Variants in SDK1 observed in about 807,000 individuals in gnomAD.
SDK1 encodes the protein sidekick cell adhesion molecule 1, also known as protein sidekick-1.
Under a neutral mutation model 245.5 loss-of-function variants are expected in SDK1, and 157 were observed. The observed-to-expected ratio is 0.64, with a 90% CI of 0.56 to 0.73. The LOEUF (loss-of-function observed/expected upper bound fraction) is 0.73, where lower values mean the gene tolerates loss of function less well. Among genes scored for constraint, SDK1 ranks in the 30% least tolerant of loss-of-function variants. The pLI is 0.00. For missense variants in SDK1, 3,583 were observed against 3,002.3 expected, an observed-to-expected ratio of 1.19 and a Z score of -4.52; for synonymous variants, 1,647 against 1,278.5, an observed-to-expected ratio of 1.29 and a Z score of -6.15.
intron 1 of SDK1, among the ~76,000 whole-genome samples, chr7:3,605,230 C>G (rs1056105020): frequency 1.3e-5 from 2 of 151,658 alleles, no homozygotes; most frequent in Non-Finnish European, 2.9e-5. Context: ...TTTGAAAGAA[C>G]AGTTAAATAA....
At chr7:4,084,849 G>A (rs1017367887) in intron 22 of SDK1, among the ~76,000 whole-genome samples, 2 of 151,826 alleles carry the variant, frequency 1.3e-5, no homozygotes, top group African/African-American at 2.4e-5. Flanking sequence ...TGCAACCTCC[G>A]CCTCCTGGGT....
At chr7:3,767,009 G>A (rs975251430) in intron 4 of SDK1, among the ~76,000 whole-genome samples, 3 of 152,210 alleles carry the variant, frequency 2.0e-5, no homozygotes, top group Non-Finnish European at 2.9e-5. Flanking sequence ...GAGCATATTA[G>A]TAATCTTAGT....
Position 4,265,705 on chromosome 7 carries a change from G to A in SDK1, c.*321G>A, listed in dbSNP as rs940933108. 6.2e-6 allele frequency: 7 copies of A among 1,123,630 alleles called. No individual in the cohort carries two copies. The highest frequency in any genetic ancestry group is 5.0e-5 in the Admixed American group (1 of 20,124). The allele number at this position is 1,123,630 out of a possible 1,614,324, so 69.6% of individuals were successfully genotyped here. On this transcript the variant is annotated 3_prime_UTR_variant, in exon 45 of 45. Coordinates refer to ENST00000404826, the MANE Select transcript of SDK1 (RefSeq NM_152744.4). ...GACCTCCCCAGCCCTGGGTTTCTCCGTCTTCAAGACCAACTAGGAAGGGTC... is the reference window on the plus strand; with the variant it reads ...GACCTCCCCAGCCCTGGGTTTCTCCATCTTCAAGACCAACTAGGAAGGGTC...
intron 4 of SDK1, among the ~76,000 whole-genome samples, chr7:3,752,712 T>C (rs945865699): frequency 6.6e-6 from 1 of 152,212 alleles, no homozygotes; most frequent in African/African-American, 2.4e-5. Context: ...TCCATTTCTT[T>C]CTTTGCATTT....
intron 35 of SDK1, among the ~76,000 whole-genome samples, chr7:4,198,329 A>G (rs149058004): frequency 1.2e-4 from 19 of 152,292 alleles, no homozygotes; most frequent in African/African-American, 4.6e-4. Context: ...GGGTTAAAGG[A>G]TGGGGACAAA....
intron 4 of SDK1, among the ~76,000 whole-genome samples, chr7:3,809,441 G>A (rs76686357): frequency 7.9e-5 from 12 of 152,158 alleles, no homozygotes; most frequent in African/African-American, 2.9e-4. Context: ...CTGTGCTCGA[G>A]GTGCTGTGAG....
Position 3,346,743 on chromosome 7 carries a change from A to G in SDK1, c.298+44859A>G, listed in dbSNP as rs535827102. Among the ~76,000 whole-genome samples, 17 of 125,508 alleles carry G rather than the reference A, an allele frequency of 1.4e-4. No homozygotes were observed. In the East Asian group the frequency reaches 1.6e-3, roughly 12 times the overall value. 82.3% of individuals were successfully genotyped at this position (125,508 alleles called of 152,430 possible). ...TATGTATACATATATATATACACGT[A>G]TATATATGTGTGTGTGTATATATGT... On this transcript the variant is annotated intron_variant, in intron 1 of 44. Coordinates refer to ENST00000404826, the MANE Select transcript of SDK1 (RefSeq NM_152744.4).
intron 44 of SDK1, among the ~76,000 whole-genome samples, chr7:4,250,184 G>A (rs1010714812): frequency 2.0e-4 from 30 of 152,146 alleles, no homozygotes; most frequent in African/African-American, 6.8e-4. Context: ...CCCTTAGCAT[G>A]ATGATTGCAA....
intron 1 of SDK1, among the ~76,000 whole-genome samples, chr7:3,458,247 CAGAA>C (rs1780728835): frequency 6.6e-6 from 1 of 152,066 alleles, no homozygotes; most frequent in African/African-American, 2.4e-5. Flanking sequence ...ATTATTTTCC[CAGAA>C]AGAAGTAATA....
chr7:3,812,848 G>C lies in SDK1; in HGVS notation c.714-8602G>C, dbSNP rs113370719. Reference sequence around the variant, plus strand: ...CCATTTGCCCAGGACTTCTTGGTCTGTGCTAGGGATTCATGCATTCCATTA... The same window carrying C: ...CCATTTGCCCAGGACTTCTTGGTCTCTGCTAGGGATTCATGCATTCCATTA... On this transcript the variant is annotated intron_variant, in intron 4 of 44. Coordinates refer to ENST00000404826, the MANE Select transcript of SDK1 (RefSeq NM_152744.4). Among the ~76,000 whole-genome samples, 13 of 152,312 alleles carry C rather than the reference G, an allele frequency of 8.5e-5. 1 individual carries two copies. The highest frequency in any genetic ancestry group is 4.1e-4 in the South Asian group (2 of 4,824).
intron 1 of SDK1, among the ~76,000 whole-genome samples, chr7:3,355,652 C>T (rs779979085): frequency 6.6e-6 from 1 of 152,154 alleles, no homozygotes; most frequent in Non-Finnish European, 1.5e-5. Flanking sequence ...TGGGAATACC[C>T]TCAGCTTTCC....
At chr7:3,752,001 C>A (rs1024079757) in intron 4 of SDK1, among the ~76,000 whole-genome samples, 3 of 152,218 alleles carry the variant, frequency 2.0e-5, no homozygotes, top group East Asian at 3.8e-4. Context: ...AGGAAACAAG[C>A]TTTCAGCCAA....
At chr7:3,465,095 TA>T (rs1780952403) in intron 1 of SDK1, among the ~76,000 whole-genome samples, 1 of 152,168 alleles carries the variant, frequency 6.6e-6, no homozygotes, top group African/African-American at 2.4e-5. Context: ...GGCTAATCCG[TA>T]AGTGAGATTA....
intron 2 of SDK1, among the ~76,000 whole-genome samples, chr7:3,630,993 T>C (rs1165983131): frequency 6.6e-6 from 1 of 152,124 alleles, no homozygotes; most frequent in Non-Finnish European, 1.5e-5. Context: ...TGGAGTGCAG[T>C]GGTGCAATGG....
chr7:4,052,522 G>A (rs1055449026), intron 19 of SDK1, among the ~76,000 whole-genome samples: 5 of 152,070 alleles, frequency 3.3e-5, no homozygotes, highest in East Asian at 1.9e-4. Context: ...TTGAAAAAAC[G>A]AAACTCTGAA....
intron 1 of SDK1, among the ~76,000 whole-genome samples, chr7:3,449,563 G>A (rs1269872372): frequency 2.0e-5 from 3 of 152,142 alleles, no homozygotes; most frequent in African/African-American, 7.2e-5. Flanking sequence ...GGCTTTTGGA[G>A]TACAAAGAAT....
intron 1 of SDK1, among the ~76,000 whole-genome samples, chr7:3,527,082 A>G (rs1284829776): frequency 6.6e-6 from 1 of 152,136 alleles, no homozygotes; most frequent in Non-Finnish European, 1.5e-5. Context: ...CAGCCCTGCT[A>G]TTTTGGCATT....
chr7:3,395,000 T>A lies in SDK1; in HGVS notation c.298+93116T>A, dbSNP rs564098692. Among the ~76,000 whole-genome samples the A allele has an allele frequency of 2.6e-5, 4 of 152,162 alleles. No individual in the cohort carries two copies. In the South Asian group the frequency reaches 8.3e-4, roughly 32 times the overall value. On this transcript the variant is annotated intron_variant, in intron 1 of 44. Transcript: ENST00000404826. ...ACAAACCGAATGTCTTTTATTTGTT[T>A]TTCTTGGGTGGTTAGAGCTTCCAGT... is the stretch of plus-strand genomic sequence containing the variant.
At position 3,642,642 on chromosome 7, in the gene SDK1, G is replaced by C. The variant is rs180773991; in HGVS notation, c.713+537G>C. Among the ~76,000 whole-genome samples the C allele has an allele frequency of 3.8e-4, 58 of 152,228 alleles. 1 individual carries two copies. Among genetic ancestry groups the C allele is most frequent in the Non-Finnish European group, 6.9e-4 (47 of 68,014 alleles). ...TTCACCCATCTATTGCAGAATAGTT[G>C]CTTTGTGATTAGTTAGGCAAGAACA... On this transcript the variant is annotated intron_variant, in intron 4 of 44. Transcript: ENST00000404826.
Sources: allele counts gnomAD v4.1 joint callset (sites outside exome capture counted in the v4.1 genomes callset), GRCh38; gene constraint gnomAD v4.1.1; transcripts MANE v1.5; gene names NCBI Gene and HGNC (gene_info 2026-07-23, HGNC 2026-07-21).